CDH4: variants seen among roughly 807,000 people sequenced by gnomAD.
CDH4 encodes cadherin-4.
In CDH4, 33 loss-of-function variants were observed where a neutral mutation model predicts 86.0. That is an observed-to-expected ratio of 0.38 (90% CI 0.29 to 0.51). The LOEUF (loss-of-function observed/expected upper bound fraction) is 0.51, where lower values mean the gene tolerates loss of function less well. Ranked by LOEUF, CDH4 falls within the 20% of genes least tolerant of loss-of-function variation. The pLI is 0.86. For synonymous variants in CDH4, 555 were observed against 549.4 expected, an observed-to-expected ratio of 1.01 and a Z score of -0.14; for missense variants, 1,114 against 1,307.4, an observed-to-expected ratio of 0.85 and a Z score of 2.28.
intron 2 of CDH4, among the ~76,000 whole-genome samples, chr20:61,678,230 A>G (rs2087468623): frequency 6.6e-6 from 1 of 152,246 alleles, no homozygotes; most frequent in East Asian, 1.9e-4. Context: ...TGACAGATAC[A>G]TAGATTATGG....
chr20:61,799,916 G>A (rs758946100), intron 4 of CDH4, among the ~76,000 whole-genome samples: 10 of 152,180 alleles, frequency 6.6e-5, no homozygotes, highest in African/African-American at 9.6e-5. Context: ...GCTCTGCCCC[G>A]CTCCCCATCT....
chr20:61,933,075 G>T lies in CDH4; in HGVS notation c.2330G>T (p.Arg777Leu). ...CTCATTGACCCCGAGGACGACGTCCGCGACAACATCCTCAAGTATGACGAG... is the reference window on the plus strand; with the variant it reads ...CTCATTGACCCCGAGGACGACGTCCTCGACAACATCCTCAAGTATGACGAG... ...QLLIDPEDDV[R>L]DNILKYDEEG... is the part of the protein sequence containing the mutation. The change falls in exon 14 of 16, where the codon CGC becomes CTC. Residue 777 changes from arginine (R) to leucine (L), a missense_variant. Physicochemically the swap from Arg to Leu is moderately radical, Grantham distance 102. Around this residue, in one of 3 missense-constraint regions of CDH4, gnomAD observed 705 missense variants for 914.1 expected, o/e 0.77. Transcript: ENST00000614565. 6.2e-7 allele frequency: 1 copy of T among 1,613,228 alleles called. No homozygotes were observed. The highest frequency in any genetic ancestry group is 8.5e-7 in the Non-Finnish European group (1 of 1,180,016).
chr20:61,281,081 C>T (rs965511330), intron 2 of CDH4, among the ~76,000 whole-genome samples: 5 of 152,306 alleles, frequency 3.3e-5, no homozygotes, highest in Non-Finnish European at 2.9e-5. Flanking sequence ...TGGGGCCTAA[C>T]GCCTGGCTGG....
intron 2 of CDH4, among the ~76,000 whole-genome samples, chr20:61,325,110 G>C (rs1211992320): frequency 1.3e-5 from 2 of 152,006 alleles, no homozygotes; most frequent in African/African-American, 4.8e-5. Context: ...TGTGAGACAA[G>C]ATGGAACACA....
chr20:61,385,176 T>C (rs2084944068), intron 2 of CDH4, among the ~76,000 whole-genome samples: 1 of 152,088 alleles, frequency 6.6e-6, no homozygotes, highest in Non-Finnish European at 1.5e-5. Flanking sequence ...TACCCTCTGC[T>C]CCACTGAGCC....
chr20:61,936,547 C>A (rs1349902176), intron 15 of CDH4, among the ~76,000 whole-genome samples, 190 bp from the exon 16 acceptor site: 1 of 147,672 alleles, frequency 6.8e-6, no homozygotes, highest in African/African-American at 2.5e-5. Context: ...CTCCCACGCT[C>A]CATCTTCACA....
intron 2 of CDH4, among the ~76,000 whole-genome samples, chr20:61,657,185 C>T (rs1293833824): frequency 1.3e-5 from 2 of 152,334 alleles, no homozygotes; most frequent in East Asian, 3.9e-4. Flanking sequence ...ACCTCTGCAC[C>T]CTCCTCTTCA....
chr20:61,343,766 G>A (rs1346170371), intron 2 of CDH4, among the ~76,000 whole-genome samples: 2 of 152,070 alleles, frequency 1.3e-5, no homozygotes, highest in Non-Finnish European at 2.9e-5. Flanking sequence ...ACTTTTCCCG[G>A]CTCATATTAG....
chr20:61,759,025 G>T (rs1456272152), intron 3 of CDH4, among the ~76,000 whole-genome samples: 4 of 152,214 alleles, frequency 2.6e-5, no homozygotes, highest in Non-Finnish European at 5.9e-5. Flanking sequence ...ATATGTGTGT[G>T]CACATGTGTG....
rs1052892014 is a variant in CDH4 at position 61,516,880 on chromosome 20, C to G, written c.170-226683C>G. Among the ~76,000 whole-genome samples, 7 of 152,246 alleles carry G rather than the reference C, an allele frequency of 4.6e-5. No homozygotes were observed. The highest frequency in any genetic ancestry group is 1.7e-4 in the African/African-American group (7 of 41,456). ...CCTGGCTCCTCGTCCTAGCAAGGAG[C>G]TCCAGGCACCCTCAGCCTGTCAACT... On this transcript the variant is annotated intron_variant, in intron 2 of 15. Coordinates refer to ENST00000614565, the MANE Select transcript of CDH4 (RefSeq NM_001794.5). The surrounding 1 kb of genome is among the most constrained non-coding windows in gnomAD (Gnocchi z 4.0).
chr20:61,339,117 T>C (rs1444834705), intron 2 of CDH4, among the ~76,000 whole-genome samples: 1 of 152,218 alleles, frequency 6.6e-6, no homozygotes, highest in African/African-American at 2.4e-5. Context: ...TATGTAAAAA[T>C]TGCAGAATTA....
intron 2 of CDH4, among the ~76,000 whole-genome samples, chr20:61,720,720 C>T (rs1040720139): frequency 2.6e-5 from 4 of 152,042 alleles, no homozygotes; most frequent in African/African-American, 9.7e-5. Flanking sequence ...TGGATACACA[C>T]AGGCTCCTCC....
chr20:61,834,646 CAG>C (rs1286078775), intron 4 of CDH4, among the ~76,000 whole-genome samples: 3 of 152,230 alleles, frequency 2.0e-5, no homozygotes, highest in African/African-American at 7.2e-5. Flanking sequence ...AGGGACTAAT[CAG>C]GGGATGGCAT....
chr20:61,846,966 G>T (rs1982483658), intron 5 of CDH4, among the ~76,000 whole-genome samples: 1 of 152,196 alleles, frequency 6.6e-6, no homozygotes, highest in South Asian at 2.1e-4. Flanking sequence ...AGTGCTGTAG[G>T]GCTGCCGGGT....
At chr20:61,580,959 G>A (rs2086423488) in intron 2 of CDH4, among the ~76,000 whole-genome samples, 1 of 152,220 alleles carries the variant, frequency 6.6e-6, no homozygotes, top group African/African-American at 2.4e-5. Context: ...CTGCTAAAGA[G>A]AGTCCGTCCT....
intron 2 of CDH4, among the ~76,000 whole-genome samples, chr20:61,647,543 C>CTCCCTT (rs1256764516): frequency 9.6e-6 from 1 of 103,636 alleles, no homozygotes; most frequent in Non-Finnish European, 2.2e-5. Flanking sequence ...CCCTCTCCCT[C>CTCCCTT]TCCCTCTCCC....
At chr20:61,671,163 C>T (rs987058950) in intron 2 of CDH4, among the ~76,000 whole-genome samples, 3 of 149,696 alleles carry the variant, frequency 2.0e-5, no homozygotes, top group African/African-American at 4.9e-5. Flanking sequence ...TGGGTGGATC[C>T]GTGGATGAAT....
intron 2 of CDH4, among the ~76,000 whole-genome samples, chr20:61,304,157 G>T (rs960923097): frequency 5.9e-5 from 9 of 152,110 alleles, no homozygotes; most frequent in African/African-American, 2.2e-4. Flanking sequence ...TGTCTTCACA[G>T]CCCCAGGCTT....
chr20:61,778,316 A>T (rs1009258010), intron 4 of CDH4, among the ~76,000 whole-genome samples: 5 of 152,188 alleles, frequency 3.3e-5, no homozygotes, highest in African/African-American at 9.6e-5. Flanking sequence ...GATCAGCTGC[A>T]GTTCTGCGCT....
Sources: allele counts gnomAD v4.1 joint callset (sites outside exome capture counted in the v4.1 genomes callset), GRCh38; gene constraint gnomAD v4.1.1; regional missense constraint gnomAD v4.1.1; non-coding constraint Gnocchi (gnomAD v3.1); transcripts MANE v1.5; gene names NCBI Gene and HGNC (gene_info 2026-07-23, HGNC 2026-07-21).